Variants in PCNX2 observed in about 807,000 individuals in gnomAD.
The protein encoded by PCNX2 is pecanex 2, also known as pecanex-like protein 2.
PCNX2 carries 168 observed loss-of-function variants against 223.8 expected under a neutral mutation model. The ratio of observed to expected loss-of-function variants is 0.75; its 90% CI spans 0.66 to 0.85. The LOEUF (loss-of-function observed/expected upper bound fraction) is 0.85. Ranked by LOEUF, PCNX2 falls within the 40% of genes least tolerant of loss-of-function variation. The pLI, the probability that PCNX2 is intolerant of heterozygous loss-of-function variation, is 0.00. For missense variants in PCNX2, 2,507 were observed against 2,675.5 expected (o/e 0.94, Z 1.39); for synonymous variants, 1,006 against 1,052.6 (o/e 0.96, Z 0.86).
the PCNX2 span, among the ~76,000 whole-genome samples, chr1:233,317,690 T>A: frequency 6.6e-6 from 1 of 152,148 alleles, no homozygotes; most frequent in African/African-American, 2.4e-5. Flanking sequence ...GGGATAAATA[T>A]GCCTTCTATT....
chr1:233,218,787 C>T (rs200149563), intron 10 of PCNX2, among the ~76,000 whole-genome samples: 1 of 151,936 alleles, frequency 6.6e-6, no homozygotes, highest in Admixed American at 6.6e-5. Flanking sequence ...ACTGGCAAAA[C>T]GTAGTTAATG....
intron 7 of PCNX2, among the ~76,000 whole-genome samples, chr1:233,251,187 G>C (rs2102986146): frequency 6.6e-6 from 1 of 152,222 alleles, no homozygotes; most frequent in African/African-American, 2.4e-5. Flanking sequence ...TCTGTGCTAG[G>C]ATATAACCAG....
Position 232,999,252 on chromosome 1 carries a change from G to A in PCNX2, c.5456C>T (p.Ser1819Phe), listed in dbSNP as rs1233983101. The change falls in exon 31 of 34, where the codon TCC (serine) becomes TTC (phenylalanine). Residue 1819 changes from serine to phenylalanine, a missense_variant. By Grantham distance (155) the Ser-to-Phe change is radical. Coordinates refer to ENST00000258229, the MANE Select transcript of PCNX2 (RefSeq NM_014801.4). The stretch of plus-strand genomic sequence containing the variant: ...GTACCCCAGGGGCTGATCGCAGGAG[G>A]AGTTAATCAAGTTCCGCAGGACCTG... Reference protein sequence around the residue: ...NKQVLRNLINSSCDQPLGYPM... With the variant: ...NKQVLRNLINFSCDQPLGYPM... The A allele has an allele frequency of 7.4e-6, 12 of 1,613,578 alleles. No homozygotes were observed. Among genetic ancestry groups the A allele is most frequent in the Admixed American group, 1.7e-5 (1 of 59,962 alleles).
intron 18 of PCNX2, 42 bp from the exon 19 acceptor site, chr1:233,160,475 G>A: frequency 1.3e-6 from 2 of 1,584,462 alleles, no homozygotes; most frequent in South Asian, 1.1e-5. Flanking sequence ...TAGCCTAGAG[G>A]ATGGGGAGAG....
At chr1:233,131,733 CTTT>C (rs201884726) in intron 21 of PCNX2, among the ~76,000 whole-genome samples, 1 of 151,212 alleles carries the variant, frequency 6.6e-6, no homozygotes, top group Admixed American at 6.6e-5. Context: ...ACTAATTTTT[CTTT>C]TTTTTTGACA....
At chr1:233,081,114 C>T (rs894082496) in intron 23 of PCNX2, among the ~76,000 whole-genome samples, 4 of 152,036 alleles carry the variant, frequency 2.6e-5, no homozygotes, top group Non-Finnish European at 4.4e-5. Flanking sequence ...TTTTGGAGGC[C>T]GAGGCGGGTG....
chr1:233,145,125 C>T (rs929629109), intron 19 of PCNX2, among the ~76,000 whole-genome samples: 5 of 151,798 alleles, frequency 3.3e-5, no homozygotes, highest in South Asian at 4.2e-4. Flanking sequence ...CCACCACGCC[C>T]GGCTAATTTT....
intron 1 of PCNX2, among the ~76,000 whole-genome samples, chr1:233,286,430 G>C (rs76640637): frequency 6.6e-6 from 1 of 152,298 alleles, no homozygotes; most frequent in East Asian, 1.9e-4. Flanking sequence ...AGACTGGCTG[G>C]CTAGCTGCTT....
At chr1:233,246,517 C>T (rs941958896) in intron 8 of PCNX2, among the ~76,000 whole-genome samples, 1 of 152,196 alleles carries the variant, frequency 6.6e-6, no homozygotes, top group Admixed American at 6.5e-5. Flanking sequence ...GCTAGTGTCA[C>T]CAGCCTTAGT....
chr1:233,144,483 A>AAAGGT (rs1677308914), intron 19 of PCNX2, among the ~76,000 whole-genome samples: 1 of 152,202 alleles, frequency 6.6e-6, no homozygotes, highest in Non-Finnish European at 1.5e-5. Flanking sequence ...GTATTGTGCC[A>AAAGGT]ATTTACACTC....
chr1:233,058,059 G>A (rs181575519), intron 23 of PCNX2: 197 of 985,020 alleles, frequency 2.0e-4, no homozygotes, highest in Non-Finnish European at 1.8e-4. Flanking sequence ...GAAAGCTCTC[G>A]GATCATCTGC....
chr1:233,053,531 GA>G (rs1672081509), intron 25 of PCNX2, among the ~76,000 whole-genome samples: 8 of 152,166 alleles, frequency 5.3e-5, no homozygotes, highest in African/African-American at 1.9e-4. Flanking sequence ...GCTTCATGGT[GA>G]TAAGACTCTT....
chr1:233,133,040 A>G (rs1471771781), intron 21 of PCNX2, among the ~76,000 whole-genome samples: 2 of 151,842 alleles, frequency 1.3e-5, no homozygotes, highest in African/African-American at 4.8e-5. Flanking sequence ...CTGAGGCTAC[A>G]GGGGCATGCC....
At chr1:233,293,526 T>G (rs146518532) in intron 1 of PCNX2, among the ~76,000 whole-genome samples, 2 of 152,328 alleles carry the variant, frequency 1.3e-5, no homozygotes, top group East Asian at 3.9e-4. Flanking sequence ...AAAGTACTAT[T>G]AATGCTAATA....
intron 9 of PCNX2, chr1:233,232,744 G>A (rs1572121418): frequency 7.7e-6 from 7 of 912,830 alleles, no homozygotes; most frequent in Non-Finnish European, 9.2e-6. Flanking sequence ...TGATGTAAAT[G>A]CTACCTTTAT....
intron 17 of PCNX2, among the ~76,000 whole-genome samples, chr1:233,177,195 A>G (rs1679525646): frequency 6.6e-6 from 1 of 152,234 alleles, no homozygotes. Flanking sequence ...AATGTACTTT[A>G]TGTTCTTAGC....
intron 10 of PCNX2, among the ~76,000 whole-genome samples, chr1:233,221,267 T>A (rs1657362293): frequency 6.6e-6 from 1 of 152,158 alleles, no homozygotes; most frequent in Non-Finnish European, 1.5e-5. Context: ...TTTTCCACTG[T>A]GCACTTTTAA....
At chr1:233,074,526 C>T (rs867076232) in intron 23 of PCNX2, among the ~76,000 whole-genome samples, 42 of 129,396 alleles carry the variant, frequency 3.2e-4, no homozygotes, top group Admixed American at 6.4e-4. Flanking sequence ...ACCCGGGAGG[C>T]GGAGCTTGCA....
chr1:233,165,841 T>C (rs1243325579), intron 17 of PCNX2, among the ~76,000 whole-genome samples: 2 of 152,136 alleles, frequency 1.3e-5, no homozygotes, highest in South Asian at 4.1e-4. Context: ...TCTAGCAGAA[T>C]TTTTTTTAGA....
Sources: gnomAD v4.1 joint callset for allele counts (sites outside exome capture counted in the v4.1 genomes callset) on GRCh38, gnomAD v4.1.1 for gene constraint, MANE v1.5 for transcripts, NCBI Gene and HGNC (gene_info 2026-07-23, HGNC 2026-07-21) for gene names.